The following SMYD4 variants were observed in gnomAD, a reference collection of about 807,000 sequenced individuals.
SMYD4 encodes protein-lysine N-methyltransferase SMYD4.
A neutral mutation model predicts 72.8 loss-of-function variants in SMYD4; 68 were observed. That is an observed-to-expected ratio of 0.93 (90% CI 0.77 to 1.14). The LOEUF is 1.14. Among genes scored for constraint, SMYD4 ranks in the 50% most tolerant of loss-of-function variants. SMYD4 has a pLI of 0.00. For missense variants in SMYD4, 984 were observed against 1,003.7 expected (o/e 0.98, Z 0.27); for synonymous variants, 407 against 388.6 (o/e 1.05, Z -0.56).
intron 3 of SMYD4, among the ~76,000 whole-genome samples, chr17:1,806,097 T>C (rs1597385500): frequency 6.6e-6 from 1 of 151,890 alleles, no homozygotes; most frequent in African/African-American, 2.4e-5. Flanking sequence ...GCCAATTTTT[T>C]GTATTTTTTA....
intron 2 of SMYD4, among the ~76,000 whole-genome samples, chr17:1,818,599 G>A (rs988898332): frequency 9.2e-5 from 14 of 152,076 alleles, no homozygotes; most frequent in African/African-American, 3.1e-4. Context: ...ACGTTCTCAT[G>A]TATTGAATTT....
chr17:1,814,915 T>A (rs1375652758), intron 2 of SMYD4: 9 of 152,344 alleles, frequency 5.9e-5, no homozygotes, highest in African/African-American at 2.2e-4. Context: ...CCTATGCCTG[T>A]CTGGTACACC....
chr17:1,801,749 A>G (rs965507248), intron 4 of SMYD4, among the ~76,000 whole-genome samples: 7 of 150,294 alleles, frequency 4.7e-5, no homozygotes, highest in African/African-American at 1.5e-4. Flanking sequence ...GGCCGAGGCG[A>G]GCAGATCACG....
Position 1,827,871 on chromosome 17 carries a change from A to G in SMYD4, c.124T>C (p.Ser42Pro). 1 of 1,605,098 alleles carries G rather than the reference A, an allele frequency of 6.2e-7. No homozygotes were observed. The highest frequency in any genetic ancestry group is 8.5e-7 in the Non-Finnish European group (1 of 1,172,294). ...TLRDIFLHSS[S>P]LLQPEDELFL... ...GCTTGATTTACTTACTGAAGAAGTG[A>G]AGAGGAGTGAAGAAAGATATCCCTC... Residue 42 changes from serine (S) to proline (P), a missense_variant, in exon 2 of 11, where the codon TCA becomes CCA. Transcript: ENST00000305513.
intron 5 of SMYD4, among the ~76,000 whole-genome samples, chr17:1,792,343 A>G (rs1027293800): frequency 7.2e-5 from 11 of 151,744 alleles, no homozygotes; most frequent in South Asian, 2.1e-4. Context: ...CTGGCCTAAA[A>G]TGCATTTTAG....
rs1238691286 is a variant in SMYD4 at position 1,781,077 on chromosome 17, G to A, written c.*209C>T. 4.8e-5 allele frequency: 22 copies of A among 455,468 alleles called. No homozygotes were observed. The highest frequency in any genetic ancestry group is 2.7e-5 in the South Asian group (1 of 37,598). 28.2% of individuals were successfully genotyped at this position (455,468 alleles called of 1,614,324 possible). ...TGGGATTACAGGTGCCCACCACCAC[G>A]CCTGGCTAGTTTTTTGTATTTTTAG... On this transcript the variant is annotated 3_prime_UTR_variant, in exon 11 of 11. Coordinates refer to ENST00000305513, the MANE Select transcript of SMYD4 (RefSeq NM_052928.3).
At chr17:1,818,250 T>C (rs1183376238) in intron 2 of SMYD4, among the ~76,000 whole-genome samples, 2 of 152,106 alleles carry the variant, frequency 1.3e-5, no homozygotes, top group South Asian at 2.1e-4. Context: ...TGTAAAGCCT[T>C]TCATGGAGCT....
chr17:1,828,711 C>A (rs979732419), intron 1 of SMYD4, among the ~76,000 whole-genome samples: 3 of 151,724 alleles, frequency 2.0e-5, no homozygotes, highest in South Asian at 4.2e-4. Context: ...AATTCTCCTG[C>A]CTCAGCCTCC....
chr17:1,819,136 C>A (rs1910772792), intron 2 of SMYD4, among the ~76,000 whole-genome samples: 3 of 152,040 alleles, frequency 2.0e-5, no homozygotes, highest in Admixed American at 2.0e-4. Flanking sequence ...GCAGGCGAAT[C>A]ACCTGAGGTC....
chr17:1,791,130 A>C (rs1158097817), intron 5 of SMYD4, among the ~76,000 whole-genome samples: 2 of 151,256 alleles, frequency 1.3e-5, no homozygotes, highest in East Asian at 3.9e-4. Context: ...AAAAAAAAAA[A>C]AAAAAAAAGA....
intron 2 of SMYD4, among the ~76,000 whole-genome samples, chr17:1,812,545 C>CTTTTTT (rs71150818): frequency 9.4e-5 from 6 of 63,702 alleles, no homozygotes; most frequent in Admixed American, 2.1e-4. Context: ...AGCAGAATTT[C>CTTTTTT]TTTTTTTTTT....
chr17:1,781,279 T>G lies in SMYD4; in HGVS notation c.*7A>C, dbSNP rs372461281. The G allele has an allele frequency of 2.8e-5, 45 of 1,611,064 alleles. No homozygotes were observed. In the African/African-American group the frequency reaches 5.5e-4, roughly 20 times the overall value. On this transcript the variant is annotated 3_prime_UTR_variant, in exon 11 of 11. Coordinates refer to ENST00000305513, the MANE Select transcript of SMYD4 (RefSeq NM_052928.3). ...CCTTTTCTGTGGGTCAAAATCCTCC[T>G]GGAACCCTACAATGCAGGCCCTACA...
chr17:1,805,095 T>C (rs971162549), intron 3 of SMYD4, among the ~76,000 whole-genome samples: 1 of 152,080 alleles, frequency 6.6e-6, no homozygotes, highest in Non-Finnish European at 1.5e-5. Flanking sequence ...CACATATGGA[T>C]AGCCAAATAG....
rs555497641 is a variant in SMYD4, at chr17:1,787,619, G to A, written c.1538-15C>T. ...CCCTTTAGGTCCTGAAAGGGCAAGA[G>A]GAAAGAAGGAAAAAGGTGTCAGCAC... is the stretch of plus-strand genomic sequence containing the variant. On this transcript the variant is annotated splice_polypyrimidine_tract_variant and intron_variant, in intron 5 of 10. Coordinates refer to ENST00000305513, the MANE Select transcript of SMYD4 (RefSeq NM_052928.3). 5 of 1,559,732 alleles carry A rather than the reference G, an allele frequency of 3.2e-6. No individual in the cohort carries two copies. The highest frequency in any genetic ancestry group is 1.9e-5 in the Admixed American group (1 of 51,786).
chr17:1,783,450 A>G lies in SMYD4; in HGVS notation c.2047T>C (p.Cys683Arg). ...AGGAAGCTCTCGGCGTCACGCTGGC[A>G]CCCCGACAGCCGCTGAACAGCTCGC... ...LERAVQRLSG[C>R]QRDAESFLWA... The change falls in exon 9 of 11, where the codon TGC (cysteine) becomes CGC (arginine). Residue 683 changes from cysteine to arginine, a missense_variant. Physicochemically the swap from Cys to Arg is radical, Grantham distance 180 (BLOSUM62 -3). Coordinates refer to ENST00000305513, the MANE Select transcript of SMYD4 (RefSeq NM_052928.3). 1 of 1,609,968 alleles carries G rather than the reference A, an allele frequency of 6.2e-7. No homozygotes were observed. Among genetic ancestry groups the G allele is most frequent in the Non-Finnish European group, 8.5e-7 (1 of 1,179,034 alleles).
intron 5 of SMYD4, among the ~76,000 whole-genome samples, chr17:1,794,382 G>A (rs561024185): frequency 2.7e-5 from 4 of 150,452 alleles, no homozygotes; most frequent in African/African-American, 9.8e-5. Context: ...GCCTCCCATA[G>A]TGCTGGGATT....
chr17:1,796,445 C>CT (rs375711314), intron 5 of SMYD4, among the ~76,000 whole-genome samples: 113 of 145,128 alleles, frequency 7.8e-4, no homozygotes, highest in Admixed American at 1.7e-3. Context: ...TTCAGGTATT[C>CT]TTTTTTTTTT....
intron 1 of SMYD4, among the ~76,000 whole-genome samples, chr17:1,828,556 G>A (rs1287570645): frequency 1.3e-5 from 2 of 150,606 alleles, no homozygotes; most frequent in Non-Finnish European, 2.9e-5. Context: ...GTTATACAAA[G>A]ACGAAGCAGA....
At chr17:1,828,597 C>CT (rs1567793113) in intron 1 of SMYD4, among the ~76,000 whole-genome samples, 2 of 80,772 alleles carry the variant, frequency 2.5e-5, no homozygotes, top group Non-Finnish European at 3.5e-5. Context: ...CTCTTAGATC[C>CT]TCTTTTTTTT....
Sources: allele counts gnomAD v4.1 joint callset (sites outside exome capture counted in the v4.1 genomes callset), GRCh38; gene constraint gnomAD v4.1.1; transcripts MANE v1.5; gene names NCBI Gene and HGNC (gene_info 2026-07-23, HGNC 2026-07-21).